Variants in CPEB3 observed in about 807,000 individuals in gnomAD.
CPEB3 encodes the protein cytoplasmic polyadenylation element binding protein 3, also known as cytoplasmic polyadenylation element-binding protein 3.
A neutral mutation model predicts 67.2 loss-of-function variants in CPEB3; 20 were observed. That is an observed-to-expected ratio of 0.30 (90% confidence interval 0.21 to 0.43). The LOEUF is 0.43. Among genes scored for constraint, CPEB3 ranks in the 20% least tolerant of loss-of-function variants. CPEB3 has a pLI of 1.00. For missense variants in CPEB3, 746 were observed against 968.6 expected (o/e 0.77, Z 3.05); for synonymous variants, 376 against 393.1 (o/e 0.96, Z 0.51).
At chr10:92,131,953 C>T (rs1845863230) in intron 6 of CPEB3, among the ~76,000 whole-genome samples, 1 of 152,110 alleles carries the variant, frequency 6.6e-6, no homozygotes, top group Admixed American at 6.6e-5. Flanking sequence ...TTTCCAGTAT[C>T]TGTATTTTAA....
At chr10:92,083,106 T>C (rs1036543866) in intron 8 of CPEB3, among the ~76,000 whole-genome samples, 1 of 152,226 alleles carries the variant, frequency 6.6e-6, no homozygotes, top group African/African-American at 2.4e-5. Context: ...AGAGAGGCTA[T>C]GTTTACACTT....
At chr10:92,053,787 C>T (rs935336953) in intron 9 of CPEB3, among the ~76,000 whole-genome samples, 4 of 152,220 alleles carry the variant, frequency 2.6e-5, no homozygotes, top group East Asian at 3.9e-4. Flanking sequence ...GTGATCCACC[C>T]GCCTCGGCCT....
At chr10:92,195,247 T>G (rs144292108) in intron 2 of CPEB3, among the ~76,000 whole-genome samples, 16 of 152,302 alleles carry the variant, frequency 1.1e-4, no homozygotes, top group Admixed American at 5.9e-4. Flanking sequence ...CACTTGATCA[T>G]TTATCCTCTT....
chr10:92,049,766 G>A lies in CPEB3; in HGVS notation c.*2446C>T, dbSNP rs1852223608. The A allele has an allele frequency of 1.3e-5, 2 of 152,530 alleles. No homozygotes were observed. The highest frequency in any genetic ancestry group is 2.9e-5 in the Non-Finnish European group (2 of 68,016). 9.4% of individuals were successfully genotyped at this position (152,530 alleles called of 1,614,324 possible). A position where few individuals can be genotyped will look rare whatever the true frequency, so the allele number is the denominator to read the frequency against. On this transcript the variant is annotated 3_prime_UTR_variant, in exon 10 of 10. Transcript: ENST00000265997. ...AAATCTCAGTGTTATTTTAATACATGAAAGAGGGGTGCTTCTTCAAAAAGT... is the reference window on the plus strand; with the variant it reads ...AAATCTCAGTGTTATTTTAATACATAAAAGAGGGGTGCTTCTTCAAAAAGT...
At chr10:92,245,268 G>GA (rs1852012280) in intron 1 of CPEB3, among the ~76,000 whole-genome samples, 1 of 150,632 alleles carries the variant, frequency 6.6e-6, no homozygotes, top group South Asian at 2.1e-4. Flanking sequence ...CTCTTGAGTA[G>GA]CTGGGATTAC....
Position 92,052,203 on chromosome 10 carries a change from G to A in CPEB3, c.*9C>T. On this transcript the variant is annotated 3_prime_UTR_variant, in exon 10 of 10. Coordinates refer to ENST00000265997, the MANE Select transcript of CPEB3 (RefSeq NM_014912.5). ...TACTCCAGTACTTGTGGCTGGGTCG[G>A]CCCGTGGCTCAGCTCCAGCGGAACG... 6.2e-7 allele frequency: 1 copy of A among 1,605,568 alleles called. No homozygotes were observed. Among genetic ancestry groups the A allele is most frequent in the Non-Finnish European group, 8.5e-7 (1 of 1,173,538 alleles).
At chr10:92,224,160 A>G (rs988187446) in intron 2 of CPEB3, among the ~76,000 whole-genome samples, 2 of 152,094 alleles carry the variant, frequency 1.3e-5, no homozygotes, top group African/African-American at 2.4e-5. Context: ...ACAGCCTCCC[A>G]AAGTGCTGGG....
chr10:92,246,904 C>A (rs1852095002), intron 1 of CPEB3, among the ~76,000 whole-genome samples: 1 of 152,148 alleles, frequency 6.6e-6, no homozygotes, highest in Non-Finnish European at 1.5e-5. Flanking sequence ...TGTTAATCCA[C>A]CTAACTCCAA....
At chr10:92,242,742 A>G (rs1851903726) in intron 1 of CPEB3, among the ~76,000 whole-genome samples, 1 of 152,222 alleles carries the variant, frequency 6.6e-6, no homozygotes, top group African/African-American at 2.4e-5. Context: ...GACTCAGAAC[A>G]TTTTATAGTA....
At chr10:92,286,388 C>G (rs754227617) in intron 1 of CPEB3, among the ~76,000 whole-genome samples, 3 of 151,908 alleles carry the variant, frequency 2.0e-5, no homozygotes, top group Non-Finnish European at 2.9e-5. Context: ...AGTTCAAGAC[C>G]AGCCTGGGCA....
intron 7 of CPEB3, among the ~76,000 whole-genome samples, chr10:92,103,494 T>C (rs1844292610): frequency 6.6e-6 from 1 of 152,184 alleles, no homozygotes; most frequent in Non-Finnish European, 1.5e-5. Flanking sequence ...TATAAAACAG[T>C]CTACACGTAC....
intron 1 of CPEB3, among the ~76,000 whole-genome samples, chr10:92,253,463 CAAAAAAA>C (rs370091703): frequency 3.4e-4 from 26 of 76,840 alleles, no homozygotes; most frequent in East Asian, 2.0e-3. Context: ...TGTCTCAAAA[CAAAAAAA>C]AAAAAAAAAA....
At position 92,085,830 on chromosome 10, in the gene CPEB3, G is replaced by A. The variant is rs183097731; in HGVS notation, c.1688-4329C>T. 4.5e-4 allele frequency among the ~76,000 whole-genome samples: 69 copies of A among 152,186 alleles called. 1 individual carries two copies. The East Asian group carries it at 0.013, about 29-fold the overall frequency. ...TTGCCATATTGGCCAGGCTGGTCTT[G>A]AACTCCTGACATCAGGTAATCCACC... On this transcript the variant is annotated intron_variant, in intron 8 of 9. Coordinates refer to ENST00000265997, the MANE Select transcript of CPEB3 (RefSeq NM_014912.5).
intron 2 of CPEB3, among the ~76,000 whole-genome samples, chr10:92,224,898 T>A (rs983657542): frequency 2.0e-5 from 3 of 147,458 alleles, no homozygotes; most frequent in Non-Finnish European, 3.0e-5. Context: ...AATTTAAAAA[T>A]ATATATATTT....
At chr10:92,227,084 T>C (rs1007990470) in intron 2 of CPEB3, among the ~76,000 whole-genome samples, 5 of 152,170 alleles carry the variant, frequency 3.3e-5, no homozygotes, top group Admixed American at 6.5e-5. Context: ...AAATGAAAAC[T>C]AATAGGCCCC....
intron 6 of CPEB3, chr10:92,119,122 G>A (rs1156331451): frequency 1.1e-5 from 17 of 1,586,474 alleles, no homozygotes; most frequent in Non-Finnish European, 1.5e-5. Context: ...TGGCTGTCCT[G>A]GTTCTTACTG....
chr10:92,194,382 T>C (rs957874433), intron 2 of CPEB3, among the ~76,000 whole-genome samples: 14 of 152,004 alleles, frequency 9.2e-5, no homozygotes, highest in East Asian at 2.0e-4. Context: ...GAGGTTGCCG[T>C]GAGCTGAGAT....
intron 1 of CPEB3, among the ~76,000 whole-genome samples, chr10:92,261,988 T>C (rs1301972985): frequency 3.9e-5 from 6 of 152,210 alleles, no homozygotes; most frequent in Non-Finnish European, 7.3e-5. Context: ...TTCTGTCTTG[T>C]CATGTTGCAG....
intron 2 of CPEB3, among the ~76,000 whole-genome samples, chr10:92,234,198 A>G (rs1175775444): frequency 2.0e-5 from 3 of 152,130 alleles, no homozygotes; most frequent in Admixed American, 1.3e-4. Flanking sequence ...TTAAATTTGA[A>G]TCCAGGCAAT....
Sources: allele counts gnomAD v4.1 joint callset (sites outside exome capture counted in the v4.1 genomes callset), GRCh38; gene constraint gnomAD v4.1.1; transcripts MANE v1.5; gene names NCBI Gene and HGNC (gene_info 2026-07-23, HGNC 2026-07-21).